KCNH1: variants seen among roughly 807,000 people sequenced by gnomAD.
KCNH1 encodes potassium voltage-gated channel subfamily H member 1.
A neutral mutation model predicts 69.2 loss-of-function variants in KCNH1; 27 were observed. The observed-to-expected ratio is 0.39, with a 90% CI of 0.29 to 0.54. KCNH1 has a LOEUF of 0.54. Ranked by LOEUF, KCNH1 falls within the 20% of genes least tolerant of loss-of-function variation. KCNH1 has a pLI of 0.68. For missense variants in KCNH1, 798 were observed against 1,261.6 expected (o/e 0.63, Z 5.57); for synonymous variants, 456 against 487.7 (o/e 0.93, Z 0.86).
Position 211,066,236 on chromosome 1 carries a change from T to C in KCNH1, c.558+16544A>G, listed in dbSNP as rs1329169071. Among the ~76,000 whole-genome samples, 4 of 152,180 alleles carry C rather than the reference T, an allele frequency of 2.6e-5. No homozygotes were observed. In the East Asian group the frequency reaches 7.7e-4, roughly 29 times the overall value. ...GATTTCTGAAAATTGAGAAAGCTTCTAGAAAGTGATATAAAGAGCCAAACG... is the reference window on the plus strand; with the variant it reads ...GATTTCTGAAAATTGAGAAAGCTTCCAGAAAGTGATATAAAGAGCCAAACG... On this transcript the variant is annotated intron_variant, in intron 5 of 10. Coordinates refer to ENST00000271751, the MANE Select transcript of KCNH1 (RefSeq NM_172362.3).
chr1:210,907,808 A>G (rs114354713), intron 7 of KCNH1, among the ~76,000 whole-genome samples: 3,379 of 152,320 alleles, frequency 0.022, 127 homozygotes, highest in African/African-American at 0.077. Flanking sequence ...GAAGGAGAGC[A>G]GATGCTACCA....
At chr1:210,690,236 C>T (rs374045372) in intron 10 of KCNH1, among the ~76,000 whole-genome samples, 17 of 150,792 alleles carry the variant, frequency 1.1e-4, no homozygotes, top group South Asian at 2.1e-4. Flanking sequence ...TACACAAAGC[C>T]GTCTAGAGTT....
rs141108037 is a variant in KCNH1 at position 210,953,471 on chromosome 1, T to C, written c.1033-33402A>G. Among the ~76,000 whole-genome samples, 57 of 152,342 alleles carry C rather than the reference T, an allele frequency of 3.7e-4. No individual in the cohort carries two copies. The East Asian group carries it at 0.011, about 28-fold the overall frequency. On this transcript the variant is annotated intron_variant, in intron 6 of 10. Transcript: ENST00000271751. ...CAAAATTTTGTCTTACCCTGGCTTC[T>C]GTGAAAACTCTCTCTTGGTTTTGCT...
At chr1:211,074,593 A>C (rs1211728653) in intron 5 of KCNH1, among the ~76,000 whole-genome samples, 1 of 152,216 alleles carries the variant, frequency 6.6e-6, no homozygotes, top group Non-Finnish European at 1.5e-5. Context: ...CAAGAGGTGA[A>C]CTGTAATAAT....
At chr1:211,098,480 A>G (rs1691199477) in intron 3 of KCNH1, among the ~76,000 whole-genome samples, 1 of 152,212 alleles carries the variant, frequency 6.6e-6, no homozygotes, top group African/African-American at 2.4e-5. Context: ...ATGTAATGGT[A>G]TCCCAAACAC....
chr1:211,080,695 C>G (rs1378870417), intron 5 of KCNH1, among the ~76,000 whole-genome samples: 1 of 152,124 alleles, frequency 6.6e-6, no homozygotes, highest in Admixed American at 6.5e-5. Flanking sequence ...TTTGACAAAC[C>G]TGACAAAAAC....
At chr1:210,899,226 T>C (rs1686939907) in intron 7 of KCNH1, among the ~76,000 whole-genome samples, 1 of 152,112 alleles carries the variant, frequency 6.6e-6, no homozygotes, top group African/African-American at 2.4e-5. Flanking sequence ...GTGAGTTGAG[T>C]TTCCAGAAAC....
At chr1:211,091,985 A>G (rs927836995) in intron 3 of KCNH1, among the ~76,000 whole-genome samples, 1 of 152,244 alleles carries the variant, frequency 6.6e-6, no homozygotes, top group East Asian at 1.9e-4. Flanking sequence ...AGTTCCTACA[A>G]CAGCATCTAG....
intron 1 of KCNH1, among the ~76,000 whole-genome samples, chr1:211,117,347 G>C (rs1351805903): frequency 6.6e-6 from 1 of 152,040 alleles, no homozygotes; most frequent in African/African-American, 2.4e-5. Flanking sequence ...CTTGCATCTG[G>C]GTGGCCTATG....
At chr1:210,758,713 C>T (rs972787741) in intron 10 of KCNH1, among the ~76,000 whole-genome samples, 3 of 152,186 alleles carry the variant, frequency 2.0e-5, no homozygotes, top group Non-Finnish European at 2.9e-5. Context: ...CTTCCACCAA[C>T]CTCCTCAGTG....
intron 7 of KCNH1, among the ~76,000 whole-genome samples, chr1:210,846,262 G>A (rs540890793): frequency 2.8e-4 from 43 of 152,216 alleles, no homozygotes; most frequent in African/African-American, 7.9e-4. Flanking sequence ...AAAAGAGCCC[G>A]CATCGCCAAG....
intron 6 of KCNH1, among the ~76,000 whole-genome samples, chr1:210,937,957 A>G (rs1177846402): frequency 6.6e-6 from 1 of 152,226 alleles, no homozygotes; most frequent in Non-Finnish European, 1.5e-5. Flanking sequence ...TTTAACCACC[A>G]TCTATTCACT....
At chr1:210,840,309 A>C (rs775293930) in intron 7 of KCNH1, among the ~76,000 whole-genome samples, 1 of 152,224 alleles carries the variant, frequency 6.6e-6, no homozygotes, top group Non-Finnish European at 1.5e-5. Flanking sequence ...ACGAAAAAAA[A>C]CAAAACCAGC....
chr1:210,725,931 T>C (rs552507364), intron 10 of KCNH1, among the ~76,000 whole-genome samples: 2 of 152,282 alleles, frequency 1.3e-5, no homozygotes, highest in African/African-American at 4.8e-5. Context: ...CCTCTGACAA[T>C]CACAGGACTT....
chr1:211,003,866 G>A (rs1044718491), intron 6 of KCNH1, among the ~76,000 whole-genome samples: 2 of 152,180 alleles, frequency 1.3e-5, no homozygotes, highest in African/African-American at 4.8e-5. Context: ...GGCCGAGGCA[G>A]GCGGATCACG....
intron 9 of KCNH1, among the ~76,000 whole-genome samples, chr1:210,785,878 A>C (rs562215737): frequency 6.6e-6 from 1 of 152,282 alleles, no homozygotes; most frequent in East Asian, 1.9e-4. Flanking sequence ...CCGCATAGGA[A>C]GAGGGTTGTG....
chr1:210,981,142 C>T (rs1037726475), intron 6 of KCNH1, among the ~76,000 whole-genome samples: 3 of 152,094 alleles, frequency 2.0e-5, no homozygotes, highest in Admixed American at 6.6e-5. Flanking sequence ...AAGCCACTCA[C>T]GATCTCACCT....
intron 10 of KCNH1, among the ~76,000 whole-genome samples, chr1:210,700,988 A>C (rs1051587070): frequency 6.6e-6 from 1 of 151,860 alleles, no homozygotes; most frequent in Non-Finnish European, 1.5e-5. Context: ...CCCAGGCTGG[A>C]GTGCAGTGGC....
chr1:210,697,555 C>A (rs901708746), intron 10 of KCNH1, among the ~76,000 whole-genome samples: 1 of 152,252 alleles, frequency 6.6e-6, no homozygotes, highest in African/African-American at 2.4e-5. Context: ...TGAGGTCCTC[C>A]TCTTTTCAAG....
Sources: gnomAD v4.1 joint callset for allele counts (sites outside exome capture counted in the v4.1 genomes callset) on GRCh38, gnomAD v4.1.1 for gene constraint, MANE v1.5 for transcripts, NCBI Gene and HGNC (gene_info 2026-07-23, HGNC 2026-07-21) for gene names.